PCDHA8: variants seen among roughly 807,000 people sequenced by gnomAD.
The protein encoded by PCDHA8 is protocadherin alpha-8.
A neutral mutation model predicts 61.8 loss-of-function variants in PCDHA8; 53 were observed. The ratio of observed to expected loss-of-function variants is 0.86; its 90% CI spans 0.69 to 1.08. The LOEUF (loss-of-function observed/expected upper bound fraction) is 1.08. Ranked by LOEUF, PCDHA8 falls within the 50% of genes least tolerant of loss-of-function variation. PCDHA8 has a pLI of 0.00. For synonymous variants in PCDHA8, 618 were observed against 556.6 expected (o/e 1.11, Z -1.55); for missense variants, 1,293 against 1,245.0 (o/e 1.04, Z -0.58).
chr5:140,909,711 A>G (rs1473634057), intron 1 of PCDHA8, among the ~76,000 whole-genome samples: 1 of 152,122 alleles, frequency 6.6e-6, no homozygotes, highest in Non-Finnish European at 1.5e-5. Context: ...TGCTAAGTAT[A>G]CCTATGCCAA....
intron 3 of PCDHA8, among the ~76,000 whole-genome samples, chr5:140,997,668 T>TTGTGTG (rs35184029): frequency 3.8e-4 from 56 of 148,342 alleles, no homozygotes; most frequent in African/African-American, 8.5e-4. Context: ...ATTATACAGC[T>TTGTGTG]TGTGTGTGTG....
chr5:140,883,777 G>T, intron 1 of PCDHA8: 3 of 1,612,364 alleles, frequency 1.9e-6, no homozygotes, highest in Non-Finnish European at 1.7e-6. Flanking sequence ...GCGAGCGTGC[G>T]CTGTCGAGCT....
chr5:140,871,699 C>A, intron 1 of PCDHA8: 1 of 891,286 alleles, frequency 1.1e-6, no homozygotes. Context: ...CTTCTTTAAC[C>A]AATAAATGTC....
chr5:140,876,069 A>G (rs1554168246), intron 1 of PCDHA8: 1 of 1,613,948 alleles, frequency 6.2e-7, no homozygotes, highest in South Asian at 1.1e-5. Flanking sequence ...TTCGGAAGTT[A>G]TTGGACAGAG....
chr5:140,878,239 T>C (rs1198199054), intron 1 of PCDHA8: 1 of 155,370 alleles, frequency 6.4e-6, no homozygotes, highest in Non-Finnish European at 1.4e-5. Context: ...ATGGATTCTT[T>C]AACTCTTCCT....
intron 3 of PCDHA8, among the ~76,000 whole-genome samples, chr5:140,984,944 TC>T (rs1554246626): frequency 6.6e-6 from 1 of 151,930 alleles, no homozygotes; most frequent in Non-Finnish European, 1.5e-5. Flanking sequence ...AAATGTCTAA[TC>T]TTTTTTTTTT....
At chr5:140,968,346 C>A in intron 1 of PCDHA8, 2 of 1,614,090 alleles carry the variant, frequency 1.2e-6, no homozygotes, top group Non-Finnish European at 1.7e-6. Context: ...ATTAACAGTG[C>A]CAGTGGCAGC....
chr5:140,940,825 G>A (rs782539336), intron 1 of PCDHA8, among the ~76,000 whole-genome samples: 53 of 152,232 alleles, frequency 3.5e-4, no homozygotes, highest in South Asian at 6.2e-4. Context: ...ATCTTGGATG[G>A]AAATACCTTT....
rs2150360936 is a variant in PCDHA8 at position 140,843,478 on chromosome 5, T to A, written c.2157T>A (p.Thr719=). The change falls in exon 1 of 4, where the codon ACT becomes ACA. Residue 719 remains threonine (T), a synonymous_variant. Coordinates refer to ENST00000531613, the MANE Select transcript of PCDHA8 (RefSeq NM_018911.3). ...TGGTGCTCACGCTGCTGCTGTACAC[T>A]GCGCTGCGGTGCTCAGCACTGCCCA... ...SLLVLTLLLY[T]ALRCSALPTE... is the part of the protein sequence containing the mutation. 2.1e-5 allele frequency: 33 copies of A among 1,595,746 alleles called. 1 individual carries two copies. Among genetic ancestry groups the A allele is most frequent in the Non-Finnish European group, 2.8e-5 (33 of 1,165,552 alleles).
In PCDHA8 at chr5:140,981,033, G is replaced by GA. The variant is rs148859655; in HGVS notation, c.2454-1434dup. ...CACTTGAAGGCTGTTAATATTTGGG[G>GA]AAAAAAAACAGATAATTCTAGAGTG... On this transcript the variant is annotated intron_variant, in intron 2 of 3. Transcript: ENST00000531613. 8.2e-3 allele frequency among the ~76,000 whole-genome samples: 1,241 copies of GA among 151,610 alleles called. 19 individuals are homozygous for GA. Among genetic ancestry groups the GA allele is most frequent in the African/African-American group, 0.027 (1,115 of 41,338 alleles).
chr5:140,946,294 A>G (rs529202868), intron 1 of PCDHA8, among the ~76,000 whole-genome samples: 1 of 152,056 alleles, frequency 6.6e-6, no homozygotes, highest in Admixed American at 6.5e-5. Flanking sequence ...ATCACCTCAC[A>G]CCTGGTAGAA....
rs146952531 is a variant in PCDHA8 at position 140,951,754 on chromosome 5, G to A, written c.2395-27195G>A. Among the ~76,000 whole-genome samples the A allele has an allele frequency of 4.6e-3, 703 of 152,152 alleles. 3 individuals are homozygous for A. The highest frequency in any genetic ancestry group is 0.016 in the African/African-American group (681 of 41,502). ...TTCTGCCACTGCCCTCACCCTCCGC[G>A]AAATCTCATGACGTTCTTACATTGC... On this transcript the variant is annotated intron_variant, in intron 1 of 3. Transcript: ENST00000531613.
At chr5:140,884,469 C>T (rs371718634) in intron 1 of PCDHA8, 1 of 1,613,766 alleles carries the variant, frequency 6.2e-7, no homozygotes, top group Admixed American at 1.7e-5. Flanking sequence ...GCGTGCGCGC[C>T]GGGCAAGCCC....
intron 1 of PCDHA8, chr5:140,868,190 A>G (rs1315604501): frequency 7.2e-5 from 11 of 152,160 alleles, no homozygotes; most frequent in African/African-American, 1.2e-4. Context: ...TTATGCTACT[A>G]TGGCTTACAT....
chr5:140,972,947 C>T (rs1287629621), intron 1 of PCDHA8, among the ~76,000 whole-genome samples: 1 of 152,096 alleles, frequency 6.6e-6, no homozygotes, highest in African/African-American at 2.4e-5. Context: ...CAGATGTGAG[C>T]CACCATGCCC....
At chr5:141,006,276 A>T (rs2098265134) in intron 3 of PCDHA8, among the ~76,000 whole-genome samples, 1 of 151,894 alleles carries the variant, frequency 6.6e-6, no homozygotes, top group Admixed American at 6.6e-5. Context: ...CAGTGGCACG[A>T]TCTCAGCTCA....
intron 1 of PCDHA8, chr5:140,848,788 G>T: frequency 6.3e-7 from 1 of 1,593,178 alleles, no homozygotes; most frequent in Non-Finnish European, 8.6e-7. Flanking sequence ...CTGTGCGGGC[G>T]GAGCGCGGAG....
chr5:140,945,709 G>T (rs1033770128), intron 1 of PCDHA8, among the ~76,000 whole-genome samples: 1 of 151,930 alleles, frequency 6.6e-6, no homozygotes. Flanking sequence ...TGCAACAAAA[G>T]TATCAAGAAT....
Position 140,927,758 on chromosome 5 carries a change from A to C in PCDHA8, c.2395-51191A>C, listed in dbSNP as rs781942462. 3 of 1,614,170 alleles carry C rather than the reference A, an allele frequency of 1.9e-6. No individual in the cohort carries two copies. In the South Asian group the frequency reaches 3.3e-5, roughly 18 times the overall value. Reference sequence around the variant, plus strand: ...CGACACCGCTTTCACGTGCACCCTAAAAGTGGGGAGGTGCAAGTAGCTGCT... The same window carrying C: ...CGACACCGCTTTCACGTGCACCCTACAAGTGGGGAGGTGCAAGTAGCTGCT... On this transcript the variant is annotated intron_variant, in intron 1 of 3. Transcript: ENST00000531613.
Sources: allele counts gnomAD v4.1 joint callset (sites outside exome capture counted in the v4.1 genomes callset), GRCh38; gene constraint gnomAD v4.1.1; transcripts MANE v1.5; gene names NCBI Gene and HGNC (gene_info 2026-07-23, HGNC 2026-07-21).